Variants in ROBO2 observed in about 807,000 individuals in gnomAD.
ROBO2 encodes the protein roundabout guidance receptor 2.
Under a neutral mutation model 160.8 loss-of-function variants are expected in ROBO2, and 53 were observed. The ratio of observed to expected loss-of-function variants is 0.33; its 90% CI spans 0.26 to 0.41. The LOEUF is 0.41. ROBO2 is among the 10% of genes least tolerant of loss of function. ROBO2 has a pLI of 1.00. For synonymous variants in ROBO2, 664 were observed against 611.7 expected (o/e 1.09, Z -1.26); for missense variants, 1,577 against 1,722.4 (o/e 0.92, Z 1.49).
chr3:76,920,520 A>C (rs1019537910), intron 2 of ROBO2, among the ~76,000 whole-genome samples: 2 of 152,212 alleles, frequency 1.3e-5, no homozygotes, highest in Non-Finnish European at 2.9e-5. Context: ...TATGAAGCAG[A>C]AAATCCTAAG....
chr3:77,260,410 A>T (rs560988350), intron 2 of ROBO2, among the ~76,000 whole-genome samples: 9 of 152,136 alleles, frequency 5.9e-5, no homozygotes, highest in Middle Eastern at 3.2e-3. Flanking sequence ...TTAAAAAAAT[A>T]GTTTATTTTT....
chr3:76,680,906 A>G (rs752422984), intron 2 of ROBO2, among the ~76,000 whole-genome samples: 24 of 151,942 alleles, frequency 1.6e-4, no homozygotes, highest in Non-Finnish European at 3.2e-4. Context: ...CCTCCCGAGT[A>G]GCGGAGACTA....
intron 2 of ROBO2, among the ~76,000 whole-genome samples, chr3:76,178,966 A>G (rs752325676): frequency 2.6e-4 from 39 of 152,154 alleles, no homozygotes; most frequent in Admixed American, 4.6e-4. Context: ...ATAAATAAAA[A>G]GGAACCTTGT....
At chr3:77,514,971 A>T (rs544962704) in intron 5 of ROBO2, among the ~76,000 whole-genome samples, 1 of 151,700 alleles carries the variant, frequency 6.6e-6, no homozygotes, top group African/African-American at 2.4e-5. Context: ...CCCAACTATA[A>T]CTGCCTCCAT....
At chr3:77,134,726 TA>T (rs1184196161) in intron 2 of ROBO2, among the ~76,000 whole-genome samples, 2 of 152,180 alleles carry the variant, frequency 1.3e-5, no homozygotes, top group African/African-American at 4.8e-5. Flanking sequence ...CATAAGATAA[TA>T]ATTTAATAAG....
chr3:76,709,690 A>T (rs924480560), intron 2 of ROBO2, among the ~76,000 whole-genome samples: 1 of 152,258 alleles, frequency 6.6e-6, no homozygotes, highest in African/African-American at 2.4e-5. Context: ...GTTATATGCC[A>T]TAGTGCTCAT....
intron 2 of ROBO2, among the ~76,000 whole-genome samples, chr3:77,365,713 T>G (rs1439784652): frequency 1.3e-5 from 2 of 151,528 alleles, no homozygotes; most frequent in East Asian, 4.0e-4. Context: ...AAGTGCATCA[T>G]GAATTGTGAA....
intron 1 of ROBO2, among the ~76,000 whole-genome samples, chr3:77,094,410 ATTCT>A (rs563711685): frequency 7.2e-5 from 11 of 152,130 alleles, no homozygotes; most frequent in Admixed American, 2.6e-4. Context: ...TATGCTGTTG[ATTCT>A]TTCTTTGTTA....
At position 75,968,798 on chromosome 3, in the gene ROBO2, A is replaced by T. The variant is rs1576331227; in HGVS notation, c.109+31196A>T. The stretch of plus-strand genomic sequence containing the variant: ...TGTTTCTATATACTTGGCTTGTTTT[A>T]GATAGTACATAGATAGCACATAGAA... On this transcript the variant is annotated intron_variant, in intron 2 of 26. Transcript: ENST00000487694. 2.0e-5 allele frequency among the ~76,000 whole-genome samples: 2 copies of T among 99,866 alleles called. 1 individual carries two copies. The highest frequency in any genetic ancestry group is 2.1e-4 in the Admixed American group (2 of 9,416). The allele number at this position is 99,866 out of a possible 152,430, so 65.5% of individuals were successfully genotyped here.
chr3:76,420,743 T>G (rs2075962797), intron 2 of ROBO2, among the ~76,000 whole-genome samples: 1 of 152,210 alleles, frequency 6.6e-6, no homozygotes, highest in South Asian at 2.1e-4. Flanking sequence ...TATTTTTAAA[T>G]TAAACATTTC....
intron 2 of ROBO2, among the ~76,000 whole-genome samples, chr3:76,869,340 A>ATC (rs1178461363): frequency 0.013 from 1,378 of 108,006 alleles, 89 homozygotes; most frequent in African/African-American, 0.046. Flanking sequence ...GTAGAAATTG[A>ATC]TGTTTTTTTT....
intron 2 of ROBO2, among the ~76,000 whole-genome samples, chr3:75,990,910 T>C (rs1009473821): frequency 3.3e-5 from 5 of 152,154 alleles, no homozygotes; most frequent in African/African-American, 1.2e-4. Flanking sequence ...CCCTCATAAA[T>C]GTGAATGGGC....
At chr3:76,870,491 G>A (rs533924554) in intron 2 of ROBO2, among the ~76,000 whole-genome samples, 42 of 152,232 alleles carry the variant, frequency 2.8e-4, no homozygotes, top group African/African-American at 9.1e-4. Context: ...TTTGTAGTAA[G>A]CCCATTTCCA....
chr3:77,358,499 A>G lies in ROBO2; in HGVS notation c.389-118915A>G, dbSNP rs779136721. ...TCAACATGTCTTTCTGTGGGACACA[A>G]TTCAACCCATAACAACAGGAAAAAC... On this transcript the variant is annotated intron_variant, in intron 2 of 25. Coordinates refer to ENST00000461745, the Ensembl canonical transcript of ROBO2. 4.6e-5 allele frequency among the ~76,000 whole-genome samples: 7 copies of G among 152,370 alleles called. 1 individual carries two copies. The highest frequency in any genetic ancestry group is 8.8e-5 in the Non-Finnish European group (6 of 68,038).
At chr3:77,500,544 C>T (rs1381213098) in intron 5 of ROBO2, among the ~76,000 whole-genome samples, 1 of 152,054 alleles carries the variant, frequency 6.6e-6, no homozygotes, top group African/African-American at 2.4e-5. Flanking sequence ...TAGTATACAG[C>T]AATAGAGTTA....
intron 2 of ROBO2, among the ~76,000 whole-genome samples, chr3:76,641,983 G>C (rs1428819021): frequency 6.6e-6 from 1 of 151,902 alleles, no homozygotes; most frequent in Admixed American, 6.6e-5. Flanking sequence ...GCCTCCCAAA[G>C]TGTTGGGAAT....
At chr3:77,002,913 C>T (rs1426942073) in intron 2 of ROBO2, among the ~76,000 whole-genome samples, 1 of 152,050 alleles carries the variant, frequency 6.6e-6, no homozygotes, top group African/African-American at 2.4e-5. Context: ...AACATCAAAG[C>T]ATTCTGATGA....
intron 2 of ROBO2, among the ~76,000 whole-genome samples, chr3:76,980,207 G>T (rs532529869): frequency 1.3e-5 from 2 of 152,156 alleles, no homozygotes; most frequent in East Asian, 1.9e-4. Context: ...TAATGTGAAG[G>T]CTGAGCTTTA....
chr3:77,370,356 C>G (rs551152354), intron 2 of ROBO2, among the ~76,000 whole-genome samples: 1 of 152,286 alleles, frequency 6.6e-6, no homozygotes, highest in East Asian at 1.9e-4. Context: ...CGTAAATGAA[C>G]CTGATCATCT....
Sources: allele counts gnomAD v4.1 joint callset (sites outside exome capture counted in the v4.1 genomes callset), GRCh38; gene constraint gnomAD v4.1.1; transcripts MANE v1.5; gene names NCBI Gene and HGNC (gene_info 2026-07-23, HGNC 2026-07-21).